Variants in HEMK2 observed in about 807,000 individuals in gnomAD.
HEMK2 encodes the protein HemK methyltransferase 2, ETF1 glutamine and histone H4 lysine.
chr21:28,806,428 T>G, the HEMK2 span, among the ~76,000 whole-genome samples: 1 of 152,188 alleles, frequency 6.6e-6, no homozygotes, highest in East Asian at 1.9e-4. Flanking sequence ...GATTAAACTG[T>G]GCTCTCTCAA....
chr21:28,764,273 A>G, the HEMK2 span, among the ~76,000 whole-genome samples: 1 of 152,074 alleles, frequency 6.6e-6, no homozygotes, highest in Non-Finnish European at 1.5e-5. Flanking sequence ...GACAAACTGT[A>G]TCTGCAAGTT....
the HEMK2 span, among the ~76,000 whole-genome samples, chr21:28,802,018 A>G: frequency 6.6e-6 from 1 of 152,184 alleles, no homozygotes; most frequent in Admixed American, 6.5e-5. Flanking sequence ...AAGCAATTCT[A>G]CTTTGGAGAA....
chr21:28,808,077 A>G, the HEMK2 span, among the ~76,000 whole-genome samples: 1 of 152,272 alleles, frequency 6.6e-6, no homozygotes, highest in East Asian at 1.9e-4. Flanking sequence ...TGCCCCCAAG[A>G]TGAAGAGAGA....
chr21:28,662,215 A>G, the HEMK2 span, among the ~76,000 whole-genome samples: 2 of 152,124 alleles, frequency 1.3e-5, no homozygotes, highest in African/African-American at 2.4e-5. Flanking sequence ...GATACGTGTA[A>G]ACTGTACACT....
the HEMK2 span, chr21:28,876,375 A>AC: frequency 7.0e-6 from 11 of 1,571,212 alleles, no homozygotes; most frequent in African/African-American, 1.4e-5. Context: ...TTCTGGGCAC[A>AC]CACTGTATGC....
the HEMK2 span, chr21:28,878,262 A>G: frequency 4.4e-6 from 7 of 1,608,870 alleles, no homozygotes; most frequent in African/African-American, 6.7e-5. Context: ...GAACCAGGGG[A>G]AAAAACCTGT....
chr21:28,628,464 T>A, the HEMK2 span, among the ~76,000 whole-genome samples: 8 of 152,300 alleles, frequency 5.3e-5, no homozygotes, highest in African/African-American at 1.9e-4. Context: ...GGTTTTCTTT[T>A]TTTTGAGACA....
At chr21:28,789,897 T>G in the HEMK2 span, among the ~76,000 whole-genome samples, 2 of 152,286 alleles carry the variant, frequency 1.3e-5, no homozygotes, top group East Asian at 3.9e-4. Context: ...CACTCACTCA[T>G]AGAAAACAAT....
the HEMK2 span, among the ~76,000 whole-genome samples, chr21:28,657,479 T>C: frequency 1.3e-5 from 2 of 152,184 alleles, no homozygotes; most frequent in East Asian, 3.9e-4. Flanking sequence ...TCTGACTTCA[T>C]GTCAAAGGAG....
the HEMK2 span, among the ~76,000 whole-genome samples, chr21:28,820,451 A>T: frequency 6.6e-6 from 1 of 152,056 alleles, no homozygotes. Flanking sequence ...TTGTCACAAA[A>T]CCTTGACTGC....
the HEMK2 span, among the ~76,000 whole-genome samples, chr21:28,805,555 G>A: frequency 2.6e-5 from 4 of 152,190 alleles, no homozygotes; most frequent in South Asian, 2.1e-4. Flanking sequence ...GGAGGCTGCC[G>A]TCAGCTCAGT....
the HEMK2 span, among the ~76,000 whole-genome samples, chr21:28,656,480 A>T: frequency 6.6e-6 from 1 of 151,920 alleles, no homozygotes. Context: ...AACATAGGGA[A>T]ATACAGTCCT....
chr21:28,861,542 C>T, the HEMK2 span, among the ~76,000 whole-genome samples: 99 of 152,270 alleles, frequency 6.5e-4, no homozygotes, highest in Admixed American at 1.4e-3. Flanking sequence ...AAGGACCCCA[C>T]CATATTACCA....
At chr21:28,844,352 C>T in the HEMK2 span, among the ~76,000 whole-genome samples, 2 of 152,008 alleles carry the variant, frequency 1.3e-5, no homozygotes, top group African/African-American at 2.4e-5. Flanking sequence ...CAATCCTATA[C>T]AGAAATGTGA....
chr21:28,582,244 G>C, the HEMK2 span, among the ~76,000 whole-genome samples: 1 of 152,104 alleles, frequency 6.6e-6, no homozygotes, highest in Non-Finnish European at 1.5e-5. Flanking sequence ...TATTAGTCTC[G>C]CTTTGTTCCA....
At chr21:28,587,126 T>C in the HEMK2 span, among the ~76,000 whole-genome samples, 1 of 151,398 alleles carries the variant, frequency 6.6e-6, no homozygotes, top group Non-Finnish European at 1.5e-5. Flanking sequence ...TATCCTATTT[T>C]ATAGTAACAC....
At chr21:28,637,454 A>T in the HEMK2 span, among the ~76,000 whole-genome samples, 9 of 110,458 alleles carry the variant, frequency 8.1e-5, no homozygotes, top group Non-Finnish European at 1.7e-4. Context: ...AACAGAAATT[A>T]AAAAAAAAAA....
the HEMK2 span, among the ~76,000 whole-genome samples, chr21:28,705,658 C>A: frequency 6.6e-6 from 1 of 152,000 alleles, no homozygotes; most frequent in African/African-American, 2.4e-5. Flanking sequence ...TTAAAGCAAC[C>A]CAAATGTATT....
At chr21:28,627,567 T>C in the HEMK2 span, among the ~76,000 whole-genome samples, 2 of 152,162 alleles carry the variant, frequency 1.3e-5, no homozygotes, top group Non-Finnish European at 2.9e-5. Context: ...ATGCTAAAAT[T>C]AACATAAGTC....
Sources: allele counts gnomAD v4.1 joint callset (sites outside exome capture counted in the v4.1 genomes callset), GRCh38; gene constraint gnomAD v4.1.1; transcripts MANE v1.5; gene names NCBI Gene and HGNC (gene_info 2026-07-23, HGNC 2026-07-21).